The following ALMS1 variants were observed in gnomAD, a reference collection of about 807,000 sequenced individuals.
ALMS1 encodes the protein ALMS1 centrosome and basal body associated protein.
Under a neutral mutation model 352.2 loss-of-function variants are expected in ALMS1, and 271 were observed. The ratio of observed to expected loss-of-function variants is 0.77; its 90% CI spans 0.70 to 0.85. The LOEUF (loss-of-function observed/expected upper bound fraction) is 0.85, where lower values mean the gene tolerates loss of function less well. Among genes scored for constraint, ALMS1 ranks in the 40% least tolerant of loss-of-function variants. ALMS1 has a pLI of 0.00. For missense variants in ALMS1, 5,445 were observed against 4,870.7 expected (o/e 1.12, Z -3.51); for synonymous variants, 1,865 against 1,761.2 (o/e 1.06, Z -1.48).
At chr2:73,547,212 G>A (rs1674341310) in intron 12 of ALMS1, among the ~76,000 whole-genome samples, 2 of 152,080 alleles carry the variant, frequency 1.3e-5, no homozygotes, top group African/African-American at 2.4e-5. Context: ...TAGGTTAGGG[G>A]CATTAAATAC....
chr2:73,469,093 TCTC>T (rs1283904400), intron 9 of ALMS1, among the ~76,000 whole-genome samples: 1 of 151,944 alleles, frequency 6.6e-6, no homozygotes, highest in African/African-American at 2.4e-5. Context: ...TACTGTCTCT[TCTC>T]CTTCTCTCTT....
chr2:73,495,125 A>C (rs1673076957), intron 10 of ALMS1, among the ~76,000 whole-genome samples: 1 of 152,082 alleles, frequency 6.6e-6, no homozygotes, highest in African/African-American at 2.4e-5. Context: ...TTGTTGCTCA[A>C]GTTCTCTTTT....
intron 15 of ALMS1, among the ~76,000 whole-genome samples, chr2:73,559,473 G>C (rs1254654300): frequency 1.3e-5 from 2 of 151,976 alleles, no homozygotes; most frequent in Non-Finnish European, 2.9e-5. Context: ...CCTTCCAGAA[G>C]ACTATAGCAA....
At chr2:73,418,026 C>T (rs1442482729) in intron 2 of ALMS1, among the ~76,000 whole-genome samples, 2 of 152,026 alleles carry the variant, frequency 1.3e-5, no homozygotes, top group Non-Finnish European at 2.9e-5. Flanking sequence ...GTAATTTTAT[C>T]TTTTTTTAGA....
intron 1 of ALMS1, among the ~76,000 whole-genome samples, chr2:73,406,020 A>G (rs377482808): frequency 2.0e-5 from 3 of 152,092 alleles, no homozygotes; most frequent in African/African-American, 7.2e-5. Flanking sequence ...AGTGTTCTGT[A>G]TATGTATGTT....
At chr2:73,408,586 G>T (rs763108061) in intron 1 of ALMS1, 36 bp from the exon 2 acceptor site, 1 of 1,603,548 alleles carries the variant, frequency 6.2e-7, no homozygotes, top group African/African-American at 1.3e-5. Context: ...TAGTGATTGT[G>T]TTATTACTCT....
At chr2:73,482,721 G>T (rs959892689) in intron 9 of ALMS1, among the ~76,000 whole-genome samples, 22 of 152,136 alleles carry the variant, frequency 1.4e-4, no homozygotes, top group Non-Finnish European at 2.6e-4. Flanking sequence ...ACTCTTTTTG[G>T]TTGGTAAGCT....
chr2:73,421,109 A>G (rs1480163476), intron 3 of ALMS1, among the ~76,000 whole-genome samples: 3 of 152,166 alleles, frequency 2.0e-5, no homozygotes, highest in African/African-American at 2.4e-5. Context: ...ACATTTGCCT[A>G]TTTATGTGAT....
At chr2:73,582,216 C>G (rs542278800) in intron 16 of ALMS1, among the ~76,000 whole-genome samples, 1 of 152,212 alleles carries the variant, frequency 6.6e-6, no homozygotes, top group South Asian at 2.1e-4. Context: ...GAAGGTCTCT[C>G]TTTTGAAACA....
intron 5 of ALMS1, among the ~76,000 whole-genome samples, chr2:73,426,191 A>G (rs750144069): frequency 1.3e-5 from 2 of 152,204 alleles, no homozygotes; most frequent in Non-Finnish European, 2.9e-5. Flanking sequence ...TCAAACTTTA[A>G]TTTGGGTAAG....
At position 73,559,069 on chromosome 2, in the gene ALMS1, G is replaced by A. The variant is rs1200230206; in HGVS notation, c.10311G>A (p.Glu3437=). ...PDTKAITQKE[E]IHRKKTVPEE... is the part of the protein sequence containing the mutation. ...CTAAAGCCATTACACAGAAAGAGGA[G>A]ATCCATAGGAAGAAGACAGTTCCCG... is the stretch of plus-strand genomic sequence containing the variant. The change falls in exon 15 of 23, where the codon GAG becomes GAA. Residue 3437 remains glutamate (E), a synonymous_variant. Coordinates refer to ENST00000613296, the MANE Select transcript of ALMS1 (RefSeq NM_001378454.1). 4 of 1,613,910 alleles carry A rather than the reference G, an allele frequency of 2.5e-6. No individual in the cohort carries two copies. In the Admixed American group the frequency reaches 5.0e-5, roughly 20 times the overall value.
chr2:73,609,728 A>G lies in ALMS1; in HGVS notation c.*116A>G. The G allele has an allele frequency of 9.5e-7, 1 of 1,050,428 alleles. No homozygotes were observed. Among genetic ancestry groups the G allele is most frequent in the Admixed American group, 1.9e-5 (1 of 53,246 alleles). 65.1% of individuals were successfully genotyped at this position (1,050,428 alleles called of 1,614,324 possible). ...CTTATTCTTTGTCCATGTGTATTTT[A>G]GAAATAGTAACTTCTAAAGAGTCTG... On this transcript the variant is annotated 3_prime_UTR_variant, in exon 23 of 23. Coordinates refer to ENST00000613296, the MANE Select transcript of ALMS1 (RefSeq NM_001378454.1).
chr2:73,409,049 A>G (rs1671026945), intron 2 of ALMS1, among the ~76,000 whole-genome samples: 1 of 150,974 alleles, frequency 6.6e-6, no homozygotes, highest in Non-Finnish European at 1.5e-5. Flanking sequence ...ATTATTTTTA[A>G]AAAATTTTTT....
At position 73,607,108 on chromosome 2, in the gene ALMS1, A is replaced by G. The variant is rs537094457; in HGVS notation, c.12363-1367A>G. ...TCCTTCCATCTAATGGAGGATGGGAATTTTTGGTGGGAGGCGTGGGAATTT... is the reference window on the plus strand; with the variant it reads ...TCCTTCCATCTAATGGAGGATGGGAGTTTTTGGTGGGAGGCGTGGGAATTT... On this transcript the variant is annotated intron_variant, in intron 21 of 22. Coordinates refer to ENST00000613296, the MANE Select transcript of ALMS1 (RefSeq NM_001378454.1). 2.0e-5 allele frequency among the ~76,000 whole-genome samples: 3 copies of G among 152,350 alleles called. No homozygotes were observed. In the East Asian group the frequency reaches 5.8e-4, roughly 29 times the overall value.
chr2:73,507,612 G>T (rs1673355116), intron 10 of ALMS1, among the ~76,000 whole-genome samples: 1 of 152,158 alleles, frequency 6.6e-6, no homozygotes, highest in East Asian at 1.9e-4. Flanking sequence ...TGTGGGATCA[G>T]TGGTGATCTG....
intron 15 of ALMS1, among the ~76,000 whole-genome samples, chr2:73,565,046 G>A (rs1674774535): frequency 6.6e-6 from 1 of 152,188 alleles, no homozygotes; most frequent in African/African-American, 2.4e-5. Flanking sequence ...GGATGCAAAT[G>A]CACATCTCTC....
intron 9 of ALMS1, among the ~76,000 whole-genome samples, chr2:73,473,471 A>C (rs1230671211): frequency 6.6e-6 from 1 of 152,112 alleles, no homozygotes; most frequent in East Asian, 1.9e-4. Flanking sequence ...CAGAGTTGTC[A>C]CTTTATAATA....
intron 2 of ALMS1, among the ~76,000 whole-genome samples, chr2:73,414,489 G>GTTTTTTTTTTTTCTTTATTGT (rs11395837): frequency 1.1e-5 from 1 of 94,250 alleles, no homozygotes; most frequent in Non-Finnish European, 2.0e-5. Flanking sequence ...TTTTTTTTTT[G>GTTTTTTTTTTTTCTTTATTGT]TTTTTTTTTT....
At chr2:73,455,000 T>A (rs1672030261) in intron 8 of ALMS1, among the ~76,000 whole-genome samples, 162 bp from the exon 9 acceptor site, 1 of 152,184 alleles carries the variant, frequency 6.6e-6, no homozygotes, top group Non-Finnish European at 1.5e-5. Context: ...AGTGAAAGGA[T>A]CTCTGTCAAG....
Sources: allele counts gnomAD v4.1 joint callset (sites outside exome capture counted in the v4.1 genomes callset), GRCh38; gene constraint gnomAD v4.1.1; transcripts MANE v1.5; gene names NCBI Gene and HGNC (gene_info 2026-07-23, HGNC 2026-07-21).